The following TTC28 variants were observed in gnomAD, a reference collection of about 807,000 sequenced individuals.
TTC28 encodes the protein tetratricopeptide repeat domain 28.
In TTC28, 61 loss-of-function variants were observed where a neutral mutation model predicts 198.0. That is an observed-to-expected ratio of 0.31 (90% CI 0.25 to 0.38). The LOEUF is 0.38. TTC28 is among the 10% of genes least tolerant of loss of function. The probability of loss-of-function intolerance (pLI) is 1.00; values close to 1 mark genes in which losing one functional copy is unlikely to be tolerated. For missense variants in TTC28, 2,678 were observed against 3,164.0 expected, an observed-to-expected ratio of 0.85 and a Z score of 3.69; for synonymous variants, 1,171 against 1,297.8, an observed-to-expected ratio of 0.90 and a Z score of 2.10.
chr22:28,431,182 C>T (rs1438477245), intron 2 of TTC28, among the ~76,000 whole-genome samples: 2 of 152,034 alleles, frequency 1.3e-5, no homozygotes, highest in Admixed American at 6.6e-5. Context: ...GGGGACTTGC[C>T]TTATCCCCAC....
intron 2 of TTC28, among the ~76,000 whole-genome samples, chr22:28,439,428 T>C (rs771344145): frequency 1.3e-5 from 2 of 152,238 alleles, no homozygotes; most frequent in Non-Finnish European, 2.9e-5. Flanking sequence ...CATTCATTTA[T>C]TGGGATCATC....
At chr22:28,463,618 T>G (rs1334730269) in intron 2 of TTC28, among the ~76,000 whole-genome samples, 1 of 152,136 alleles carries the variant, frequency 6.6e-6, no homozygotes, top group African/African-American at 2.4e-5. Context: ...TGTAGGGACA[T>G]GGATGAAGCT....
chr22:28,415,548 A>G (rs1364225536), intron 2 of TTC28, among the ~76,000 whole-genome samples: 1 of 152,232 alleles, frequency 6.6e-6, no homozygotes, highest in Non-Finnish European at 1.5e-5. Flanking sequence ...TTAGAGATAG[A>G]ATAATGTACT....
intron 5 of TTC28, among the ~76,000 whole-genome samples, chr22:28,168,964 A>T (rs1057418836): frequency 2.4e-4 from 36 of 152,240 alleles, no homozygotes; most frequent in African/African-American, 7.7e-4. Context: ...ATGAACTCCA[A>T]CAAATTTACA....
intron 2 of TTC28, among the ~76,000 whole-genome samples, chr22:28,348,241 T>C (rs1037872241): frequency 2.6e-5 from 4 of 152,194 alleles, no homozygotes; most frequent in East Asian, 1.9e-4. Context: ...AAATAGGAGA[T>C]GCAGCTCCAG....
chr22:28,555,147 T>C (rs1282643506), intron 2 of TTC28, among the ~76,000 whole-genome samples: 2 of 152,048 alleles, frequency 1.3e-5, no homozygotes, highest in Non-Finnish European at 2.9e-5. Context: ...AAAACCACAA[T>C]GTAATACCAC....
rs1244747261 is a variant in TTC28 at position 28,275,839 on chromosome 22, A to G, written c.933+20359T>C. Among the ~76,000 whole-genome samples the G allele has an allele frequency of 2.0e-5, 3 of 152,032 alleles. No individual in the cohort carries two copies. In the East Asian group the frequency reaches 5.8e-4, roughly 29 times the overall value. ...TGCTGAAATGGTGAGAAGATTGTCA[A>G]TGGGCATGTGGGGTGGGAGCTGGTA... On this transcript the variant is annotated intron_variant, in intron 5 of 22. Coordinates refer to ENST00000397906, the MANE Select transcript of TTC28 (RefSeq NM_001145418.2).
intron 5 of TTC28, among the ~76,000 whole-genome samples, chr22:28,225,708 C>G (rs1025864976): frequency 6.6e-6 from 1 of 152,176 alleles, no homozygotes; most frequent in Admixed American, 6.5e-5. Flanking sequence ...AAAATCACCA[C>G]GGCAGGCAAC....
Position 28,314,161 on chromosome 22 carries a change from TGACA to T in TTC28, c.382-7522_382-7519del, listed in dbSNP as rs897551594. On this transcript the variant is annotated intron_variant, in intron 2 of 22. Transcript: ENST00000397906. ...CTAGGAATATAACTTACAAGGGATG[TGACA>T]GACCTCTTCAAGGAGAACTACAAAC... Among the ~76,000 whole-genome samples the T allele has an allele frequency of 1.1e-4, 16 of 152,278 alleles. No individual in the cohort carries two copies. The East Asian group carries it at 2.7e-3, about 26-fold the overall frequency.
chr22:28,499,197 T>G (rs2048500701), intron 2 of TTC28, among the ~76,000 whole-genome samples: 1 of 152,062 alleles, frequency 6.6e-6, no homozygotes, highest in Admixed American at 6.6e-5. Context: ...AAATAATATA[T>G]TTATTCAATA....
At chr22:28,493,251 T>C (rs1187916655) in intron 2 of TTC28, among the ~76,000 whole-genome samples, 1 of 151,778 alleles carries the variant, frequency 6.6e-6, no homozygotes, top group Non-Finnish European at 1.5e-5. Context: ...AGCTACTCGG[T>C]AGGCTGAGGT....
intron 2 of TTC28, among the ~76,000 whole-genome samples, chr22:28,527,697 A>G (rs2049033979): frequency 6.6e-6 from 1 of 152,080 alleles, no homozygotes; most frequent in Non-Finnish European, 1.5e-5. Flanking sequence ...GTGCAGTGGC[A>G]CAAACACAGC....
intron 5 of TTC28, among the ~76,000 whole-genome samples, chr22:28,268,385 A>G (rs1601554288): frequency 6.6e-6 from 1 of 152,190 alleles, no homozygotes; most frequent in East Asian, 1.9e-4. Context: ...TGTCCTTTTA[A>G]AAGACTGATT....
chr22:28,302,204 G>A (rs1000557023), intron 3 of TTC28, among the ~76,000 whole-genome samples: 5 of 152,052 alleles, frequency 3.3e-5, no homozygotes, highest in African/African-American at 7.2e-5. Flanking sequence ...AATCAGAGAC[G>A]GAGAAACCAT....
intron 5 of TTC28, among the ~76,000 whole-genome samples, chr22:28,254,205 A>G (rs1026685721): frequency 6.6e-6 from 1 of 152,182 alleles, no homozygotes; most frequent in African/African-American, 2.4e-5. Context: ...GCATGTGTCC[A>G]GCAGGCCACT....
chr22:28,132,030 G>T (rs191736317), intron 6 of TTC28, among the ~76,000 whole-genome samples: 2 of 152,214 alleles, frequency 1.3e-5, no homozygotes. Context: ...CAAACCATTG[G>T]TGTTGTGATA....
chr22:27,991,276 C>T (rs917287884), intron 19 of TTC28, among the ~76,000 whole-genome samples: 2 of 152,206 alleles, frequency 1.3e-5, no homozygotes, highest in Non-Finnish European at 1.5e-5. Flanking sequence ...GGCTTTTTGG[C>T]CTCTCAGCAC....
At chr22:28,591,176 A>T (rs1275615119) in intron 2 of TTC28, among the ~76,000 whole-genome samples, 1 of 148,418 alleles carries the variant, frequency 6.7e-6, no homozygotes, top group Non-Finnish European at 1.5e-5. Context: ...TGGAGTGACC[A>T]TGGCTCACTG....
chr22:28,539,765 T>C (rs1226240233), intron 2 of TTC28, among the ~76,000 whole-genome samples: 1 of 151,840 alleles, frequency 6.6e-6, no homozygotes, highest in African/African-American at 2.4e-5. Flanking sequence ...TGGTCGACAG[T>C]GTCAGACCTT....
Sources: allele counts gnomAD v4.1 joint callset (sites outside exome capture counted in the v4.1 genomes callset), GRCh38; gene constraint gnomAD v4.1.1; transcripts MANE v1.5; gene names NCBI Gene and HGNC (gene_info 2026-07-23, HGNC 2026-07-21).